ZNF69: variants seen among roughly 807,000 people sequenced by gnomAD.
The protein encoded by ZNF69 is ZNF3.
Under a neutral mutation model 50.9 loss-of-function variants are expected in ZNF69, and 47 were observed. The observed-to-expected ratio is 0.92, with a 90% CI of 0.73 to 1.18. The LOEUF (loss-of-function observed/expected upper bound fraction) is 1.18. ZNF69 is among the 50% of genes most tolerant of loss of function. ZNF69 has a pLI of 0.00. For synonymous variants in ZNF69, 216 were observed against 223.1 expected (o/e 0.97, Z 0.29); for missense variants, 717 against 675.1 (o/e 1.06, Z -0.69).
At chr19:11,977,011 C>T in the ZNF69 span, 1 of 1,613,212 alleles carries the variant, frequency 6.2e-7, no homozygotes, top group South Asian at 1.1e-5. Context: ...CTCACCCAGC[C>T]TCCTCTACAC....
intron 1 of ZNF69, among the ~76,000 whole-genome samples, chr19:11,899,892 G>T (rs1271921798): frequency 6.6e-6 from 1 of 152,166 alleles, no homozygotes; most frequent in Non-Finnish European, 1.5e-5. Flanking sequence ...GCATTTGGAA[G>T]TGTCAGTGTT....
chr19:11,924,972 G>A, the ZNF69 span: 1 of 455,818 alleles, frequency 2.2e-6, no homozygotes, highest in Non-Finnish European at 4.0e-6. Context: ...CCGTCAGTCT[G>A]GCTCTGCGGG....
the ZNF69 span, chr19:11,950,058 T>TA: frequency 6.2e-7 from 1 of 1,614,204 alleles, no homozygotes. Context: ...CCTATGAATG[T>TA]AAGCATTGTG....
intron 4 of ZNF69, among the ~76,000 whole-genome samples, chr19:11,912,891 T>G (rs1311353618): frequency 6.6e-6 from 1 of 152,242 alleles, no homozygotes; most frequent in Non-Finnish European, 1.5e-5. Context: ...AAATGTTATC[T>G]TTAAATAATT....
chr19:11,928,059 G>A, the ZNF69 span, among the ~76,000 whole-genome samples: 4 of 151,894 alleles, frequency 2.6e-5, no homozygotes, highest in South Asian at 2.1e-4. Context: ...GCAGTGGTGC[G>A]ATGATGGCTT....
At chr19:11,903,422 G>T in intron 1 of ZNF69, 151 bp from the exon 2 acceptor site, 1 of 1,371,432 alleles carries the variant, frequency 7.3e-7, no homozygotes, top group Non-Finnish European at 9.8e-7. Flanking sequence ...AAAAAGAATT[G>T]CTTTATGGAA....
At chr19:11,925,583 A>T in the ZNF69 span, among the ~76,000 whole-genome samples, 4 of 152,194 alleles carry the variant, frequency 2.6e-5, no homozygotes, top group African/African-American at 9.6e-5. Context: ...CGGGAGGGTC[A>T]TGGAGGCATC....
chr19:11,893,697 C>T (rs761847785), intron 1 of ZNF69, among the ~76,000 whole-genome samples: 51 of 152,218 alleles, frequency 3.4e-4, no homozygotes, highest in East Asian at 9.7e-4. Context: ...CCATGTCTCC[C>T]GGAGGGTCTC....
At chr19:11,894,812 T>C (rs1977184800) in intron 1 of ZNF69, among the ~76,000 whole-genome samples, 1 of 152,120 alleles carries the variant, frequency 6.6e-6, no homozygotes, top group Non-Finnish European at 1.5e-5. Flanking sequence ...GCCAGTTGGA[T>C]GGTGCTATTG....
the ZNF69 span, among the ~76,000 whole-genome samples, chr19:11,964,807 G>A: frequency 6.6e-6 from 1 of 152,196 alleles, no homozygotes; most frequent in African/African-American, 2.4e-5. Flanking sequence ...TCTTATATCT[G>A]TAGCAAGTCT....
chr19:11,940,982 T>C, the ZNF69 span, among the ~76,000 whole-genome samples: 4 of 151,840 alleles, frequency 2.6e-5, no homozygotes, highest in South Asian at 2.1e-4. Context: ...TTGAGCTAGA[T>C]ACAGAGTGCC....
chr19:11,979,168 A>G, the ZNF69 span: 29,102 of 1,611,874 alleles, frequency 0.018, 315 homozygotes, highest in African/African-American at 0.026. Flanking sequence ...ACATGAAAAA[A>G]CTCACACTGG....
intron 3 of ZNF69, 88 bp downstream of exon 3, chr19:11,904,053 C>T (rs1599356953): frequency 6.9e-7 from 1 of 1,445,886 alleles, no homozygotes; most frequent in Non-Finnish European, 9.4e-7. Context: ...AGAACTAAGT[C>T]CAGGATCAAA....
intron 1 of ZNF69, among the ~76,000 whole-genome samples, chr19:11,898,079 A>C (rs1422926388): frequency 6.6e-6 from 1 of 152,112 alleles, no homozygotes; most frequent in African/African-American, 2.4e-5. Context: ...AATCCAAATA[A>C]TGATGGAGCC....
the ZNF69 span, among the ~76,000 whole-genome samples, chr19:11,960,079 G>A: frequency 1.9e-4 from 28 of 149,998 alleles, no homozygotes; most frequent in African/African-American, 6.1e-4. Flanking sequence ...CTGTTGTCCA[G>A]GCTGGAGTTC....
the ZNF69 span, among the ~76,000 whole-genome samples, chr19:11,943,723 G>T: frequency 1.3e-5 from 2 of 152,140 alleles, no homozygotes; most frequent in Non-Finnish European, 2.9e-5. Flanking sequence ...TTAACTTGTT[G>T]CCCTACCTCA....
At chr19:11,969,581 C>T in the ZNF69 span, among the ~76,000 whole-genome samples, 1 of 152,314 alleles carries the variant, frequency 6.6e-6, no homozygotes, top group South Asian at 2.1e-4. Context: ...TAGGACACCT[C>T]ACACAGTTTG....
At chr19:11,890,383 T>C (rs368790747) in intron 1 of ZNF69, among the ~76,000 whole-genome samples, 12 of 152,312 alleles carry the variant, frequency 7.9e-5, no homozygotes, top group African/African-American at 2.4e-4. Flanking sequence ...GCATACTGCC[T>C]ACAAACATAT....
At chr19:11,910,151 A>C (rs571401007), downstream of ZNF69, among the ~76,000 whole-genome samples, 6 of 152,330 alleles carry the variant, frequency 3.9e-5, no homozygotes, top group African/African-American at 1.4e-4. Flanking sequence ...ACTACAAACC[A>C]CTGCTCAACG....
Sources: allele counts gnomAD v4.1 joint callset (sites outside exome capture counted in the v4.1 genomes callset), GRCh38; gene constraint gnomAD v4.1.1; transcripts MANE v1.5; gene names NCBI Gene and HGNC (gene_info 2026-07-23, HGNC 2026-07-21).